Variants in STK3 observed in about 807,000 individuals in gnomAD.
The protein encoded by STK3 is serine/threonine kinase 3.
Under a neutral mutation model 58.0 loss-of-function variants are expected in STK3, and 41 were observed. That is an observed-to-expected ratio of 0.71 (90% CI 0.55 to 0.92). The LOEUF (loss-of-function observed/expected upper bound fraction) is 0.92. Among genes scored for constraint, STK3 ranks in the 40% least tolerant of loss-of-function variants. STK3 has a pLI of 0.00. For synonymous variants in STK3, 170 were observed against 191.0 expected (o/e 0.89, Z 0.91); for missense variants, 479 against 602.7 (o/e 0.79, Z 2.15).
At chr8:98,600,556 T>C (rs905691816) in intron 6 of STK3, among the ~76,000 whole-genome samples, 6 of 152,242 alleles carry the variant, frequency 3.9e-5, no homozygotes, top group Non-Finnish European at 5.9e-5. Context: ...GTTTGATTCC[T>C]TAGCATATGC....
chr8:98,614,220 G>A (rs1827280260), intron 6 of STK3, among the ~76,000 whole-genome samples: 1 of 152,094 alleles, frequency 6.6e-6, no homozygotes, highest in Non-Finnish European at 1.5e-5. Context: ...CAACAGCAGA[G>A]TACTTATTAC....
chr8:98,374,406 C>T (rs1166462420), intron 2 of STK3, among the ~76,000 whole-genome samples: 3 of 152,280 alleles, frequency 2.0e-5, no homozygotes, highest in East Asian at 1.9e-4. Context: ...ATAGAGTGCC[C>T]GAGTTCCCTT....
At chr8:98,798,149 C>A (rs1481489334) in intron 1 of STK3, among the ~76,000 whole-genome samples, 1 of 152,094 alleles carries the variant, frequency 6.6e-6, no homozygotes, top group African/African-American at 2.4e-5. Flanking sequence ...AATATTAAAC[C>A]AAACAAGTAA....
intron 1 of STK3, chr8:98,782,522 TG>T: frequency 3.2e-6 from 1 of 316,568 alleles, no homozygotes; most frequent in Non-Finnish European, 6.3e-6. Flanking sequence ...GGCAGAGGCC[TG>T]CTGGTCTAAG....
At chr8:98,647,475 A>C (rs537679534) in intron 6 of STK3, among the ~76,000 whole-genome samples, 6 of 152,334 alleles carry the variant, frequency 3.9e-5, no homozygotes, top group Non-Finnish European at 5.9e-5. Context: ...GGCAGAGTAG[A>C]CACCGAATAA....
At chr8:98,936,285 G>A (rs753867406) in intron 1 of STK3, among the ~76,000 whole-genome samples, 6 of 152,030 alleles carry the variant, frequency 3.9e-5, no homozygotes, top group African/African-American at 9.7e-5. Context: ...GGTTCAACAA[G>A]CAACATGACT....
chr8:98,784,341 C>T (rs1832317927), intron 1 of STK3, among the ~76,000 whole-genome samples: 2 of 152,336 alleles, frequency 1.3e-5, no homozygotes, highest in South Asian at 4.1e-4. Flanking sequence ...TTGTGCTCTC[C>T]TCCACTGCAG....
At chr8:98,387,281 T>C (rs7007913) in intron 1 of STK3, among the ~76,000 whole-genome samples, 25,241 of 152,176 alleles carry the variant, frequency 0.17, 5,045 homozygotes, top group African/African-American at 0.46. Context: ...ACAAAGCACA[T>C]AAGTTATTCA....
chr8:98,908,616 C>A (rs990267670), intron 1 of STK3, among the ~76,000 whole-genome samples: 2 of 151,324 alleles, frequency 1.3e-5, no homozygotes, highest in Non-Finnish European at 2.9e-5. Context: ...GAGGCCGGGG[C>A]GGGCGGATCA....
chr8:98,857,356 T>G (rs1448616075), intron 3 of STK3, among the ~76,000 whole-genome samples: 1 of 152,216 alleles, frequency 6.6e-6, no homozygotes, highest in Non-Finnish European at 1.5e-5. Flanking sequence ...ATGGATCTGT[T>G]TATTTTGCAA....
At chr8:98,824,244 G>T (rs1835101987) in intron 1 of STK3, among the ~76,000 whole-genome samples, 1 of 152,180 alleles carries the variant, frequency 6.6e-6, no homozygotes, top group Non-Finnish European at 1.5e-5. Context: ...ACTTTGAAAA[G>T]TATAAATCAC....
chr8:98,675,466 T>C (rs538854147), intron 6 of STK3, among the ~76,000 whole-genome samples: 1 of 152,276 alleles, frequency 6.6e-6, no homozygotes, highest in South Asian at 2.1e-4. Context: ...AAAAAATGGC[T>C]GAGCTATGGA....
At position 98,800,967 on chromosome 8, in the gene STK3, G is replaced by A. The variant is rs1490934133; in HGVS notation, c.26+24548C>T. On this transcript the variant is annotated intron_variant, in intron 1 of 10. Transcript: ENST00000419617. The surrounding 1 kb of genome is among the most constrained non-coding windows in gnomAD (Gnocchi z 4.8). ...CCATAAACCGCCCAAGGGCTGAGGAGTGCAGGCGCACAGTGCGGGACTGGC... is the reference window on the plus strand; with the variant it reads ...CCATAAACCGCCCAAGGGCTGAGGAATGCAGGCGCACAGTGCGGGACTGGC... Among the ~76,000 whole-genome samples, 1 of 152,264 alleles carries A rather than the reference G, an allele frequency of 6.6e-6. No homozygotes were observed. Among genetic ancestry groups the A allele is most frequent in the African/African-American group, 2.4e-5 (1 of 41,478 alleles).
chr8:98,572,235 C>T (rs1813023832), intron 8 of STK3, among the ~76,000 whole-genome samples: 1 of 152,122 alleles, frequency 6.6e-6, no homozygotes, highest in African/African-American at 2.4e-5. Flanking sequence ...TACCAAATTA[C>T]CAAACTGCAT....
intron 6 of STK3, chr8:98,633,609 C>T (rs774212053): frequency 1.9e-5 from 14 of 743,742 alleles, no homozygotes; most frequent in Admixed American, 1.3e-4. Flanking sequence ...AGTCCATTTG[C>T]GGAGGAACAT....
the STK3 span, among the ~76,000 whole-genome samples, chr8:98,350,370 T>C: frequency 3.3e-5 from 5 of 152,214 alleles, no homozygotes; most frequent in Non-Finnish European, 7.3e-5. Flanking sequence ...GTCAAAGCCA[T>C]TCAAAAAGTC....
At chr8:98,360,211 T>C in the STK3 span, among the ~76,000 whole-genome samples, 1 of 152,206 alleles carries the variant, frequency 6.6e-6, no homozygotes, top group South Asian at 2.1e-4. Flanking sequence ...TAGAAATTAT[T>C]ACATTAGAAA....
intron 3 of STK3, among the ~76,000 whole-genome samples, chr8:98,406,185 T>G (rs780042391): frequency 6.6e-6 from 1 of 152,234 alleles, no homozygotes; most frequent in Non-Finnish European, 1.5e-5. Context: ...CAGTAAGTAT[T>G]TGCTAACTGA....
chr8:98,712,208 G>A (rs184034086), intron 4 of STK3, among the ~76,000 whole-genome samples: 252 of 152,336 alleles, frequency 1.7e-3, no homozygotes, highest in African/African-American at 5.8e-3. Context: ...TGAATGCTAG[G>A]AAGAAACTGT....
Sources: gnomAD v4.1 joint callset for allele counts (sites outside exome capture counted in the v4.1 genomes callset) on GRCh38, gnomAD v4.1.1 for gene constraint, Gnocchi (gnomAD v3.1) non-coding constraint, MANE v1.5 for transcripts, NCBI Gene and HGNC (gene_info 2026-07-23, HGNC 2026-07-21) for gene names.